CCT3: variants seen among roughly 807,000 people sequenced by gnomAD.
CCT3 encodes T-complex protein 1 subunit gamma.
In CCT3, 10 loss-of-function variants were observed where a neutral mutation model predicts 65.3. The observed-to-expected ratio is 0.15, with a 90% CI of 0.09 to 0.26. The LOEUF (loss-of-function observed/expected upper bound fraction) is 0.26, where lower values mean the gene tolerates loss of function less well. Ranked by LOEUF, CCT3 falls within the 10% of genes least tolerant of loss-of-function variation. The pLI is 1.00. For synonymous variants in CCT3, 225 were observed against 242.3 expected (o/e 0.93, Z 0.66); for missense variants, 626 against 708.7 (o/e 0.88, Z 1.33).
Position 156,317,173 on chromosome 1 carries a change from T to G in CCT3, c.967A>C (p.Ile323Leu), listed in dbSNP as rs765931986. 6.2e-7 allele frequency: 1 copy of G among 1,613,982 alleles called. No individual in the cohort carries two copies. Among genetic ancestry groups the G allele is most frequent in the Admixed American group, 1.7e-5 (1 of 60,018 alleles). Residue 323 changes from isoleucine (I) to leucine (L), a missense_variant, in exon 10 of 14, where the codon ATT becomes CTT. Ile to Leu is a conservative substitution (Grantham distance 5, BLOSUM62 2). Transcript: ENST00000295688. ...RRVRKTDNNR[I>L]ARACGARIVS... The stretch of plus-strand genomic sequence containing the variant: ...TTTACCTGGCCTACTCACCTAGCAA[T>G]GCGATTATTGTCTGTCTTCCGGACT...
intron 8 of CCT3, among the ~76,000 whole-genome samples, chr1:156,317,894 A>C (rs537017444): frequency 6.6e-6 from 1 of 151,758 alleles, no homozygotes; most frequent in African/African-American, 2.4e-5. Context: ...TTGTATTTTT[A>C]GTAGAGACGG....
chr1:156,333,607 C>T lies in CCT3; in HGVS notation c.244G>A (p.Glu82Lys). ...TCTTCATCCTGGGTCCGGCTAATTTCGATCATGGACTTGGCCGCTGGATGC... is the reference window on the plus strand; with the variant it reads ...TCTTCATCCTGGGTCCGGCTAATTTTGATCATGGACTTGGCCGCTGGATGC... ...VQHPAAKSMI[E>K]ISRTQDEEVG... is the part of the protein sequence containing the mutation. Residue 82 changes from glutamate to lysine, a missense_variant, in exon 5 of 14, where the codon GAA becomes AAA. Transcript: ENST00000295688. 1.2e-6 allele frequency: 2 copies of T among 1,613,978 alleles called. No individual in the cohort carries two copies. Among genetic ancestry groups the T allele is most frequent in the Non-Finnish European group, 1.7e-6 (2 of 1,179,908 alleles).
intron 11 of CCT3, among the ~76,000 whole-genome samples, 178 bp downstream of exon 11, chr1:156,311,863 A>G (rs1664098121): frequency 6.6e-6 from 1 of 152,286 alleles, no homozygotes; most frequent in South Asian, 2.1e-4. Context: ...TATGCTTACT[A>G]CAATTTTTAA....
intron 12 of CCT3, 83 bp from the exon 13 acceptor site, chr1:156,310,772 G>T: frequency 6.6e-7 from 1 of 1,507,670 alleles, no homozygotes; most frequent in Non-Finnish European, 9.1e-7. Flanking sequence ...CAATGGACCA[G>T]TATGGAAGGG....
chr1:156,325,250 C>T (rs757750753), intron 5 of CCT3, among the ~76,000 whole-genome samples, 161 bp from the exon 6 acceptor site: 16 of 152,160 alleles, frequency 1.1e-4, no homozygotes, highest in Non-Finnish European at 1.8e-4. Context: ...TTGTATAAGA[C>T]GGCAATTTAT....
Position 156,333,653 on chromosome 1 carries a change from T to C in CCT3, c.208-10A>G. ...GATGCTGGACTTGAATCTAAAAAGG[T>C]AGATCACTAGTGAATTCACACTATT... On this transcript the variant is annotated splice_polypyrimidine_tract_variant and intron_variant, in intron 4 of 13. Transcript: ENST00000295688. 7 of 1,607,660 alleles carry C rather than the reference T, an allele frequency of 4.4e-6. No homozygotes were observed. Among genetic ancestry groups the C allele is most frequent in the African/African-American group, 1.3e-5 (1 of 74,910 alleles).
rs941325211 is a variant in CCT3, at chr1:156,310,845, G to A, written c.1401+105C>T. 7.4e-6 allele frequency: 11 copies of A among 1,485,182 alleles called. No homozygotes were observed. The African/African-American group carries it at 1.5e-4, about 21-fold the overall frequency. The allele number at this position is 1,485,182 out of a possible 1,614,324, so 92.0% of individuals were successfully genotyped here. A position where few individuals can be genotyped will look rare whatever the true frequency, so the allele number is the denominator to read the frequency against. On this transcript the variant is annotated intron_variant, in intron 12 of 13. Coordinates refer to ENST00000295688, the MANE Select transcript of CCT3 (RefSeq NM_005998.5). ...ACTAAAAGGAGAGAAAGATTTCAAGGAATAGACTATAAAGAGAATTTGGAT... is the reference window on the plus strand; with the variant it reads ...ACTAAAAGGAGAGAAAGATTTCAAGAAATAGACTATAAAGAGAATTTGGAT...
chr1:156,313,112 G>A (rs555558445), intron 10 of CCT3, among the ~76,000 whole-genome samples: 1 of 152,252 alleles, frequency 6.6e-6, no homozygotes, highest in African/African-American at 2.4e-5. Context: ...GGAAGGCCGA[G>A]GTGGGTGGAT....
At chr1:156,311,734 G>C (rs1664092098) in intron 11 of CCT3, among the ~76,000 whole-genome samples, 1 of 152,148 alleles carries the variant, frequency 6.6e-6, no homozygotes, top group African/African-American at 2.4e-5. Flanking sequence ...TATCTTGTTT[G>C]ATGGGTACAG....
intron 10 of CCT3, among the ~76,000 whole-genome samples, chr1:156,316,320 T>C (rs964396201): frequency 1.3e-5 from 2 of 152,192 alleles, no homozygotes; most frequent in African/African-American, 4.8e-5. Flanking sequence ...CCACAAACTT[T>C]AGTATTCAAG....
Position 156,335,106 on chromosome 1 carries a change from A to G in CCT3, c.94-188T>C, listed in dbSNP as rs1665279858. On this transcript the variant is annotated intron_variant, in intron 2 of 13. Coordinates refer to ENST00000295688, the MANE Select transcript of CCT3 (RefSeq NM_005998.5). ...GGCTGGTCTCAAACCCCTGGGCCCAAGTGATCCACCTGCCTCAGCCTCCCA... is the reference window on the plus strand; with the variant it reads ...GGCTGGTCTCAAACCCCTGGGCCCAGGTGATCCACCTGCCTCAGCCTCCCA... 4 of 552,272 alleles carry G rather than the reference A, an allele frequency of 7.2e-6. No homozygotes were observed. The South Asian group carries it at 7.5e-5, about 10-fold the overall frequency. 34.2% of individuals were successfully genotyped at this position (552,272 alleles called of 1,614,324 possible). A position where few individuals can be genotyped will look rare whatever the true frequency, so the allele number is the denominator to read the frequency against.
At chr1:156,310,741 G>T in intron 12 of CCT3, 52 bp from the exon 13 acceptor site, 4 of 1,598,488 alleles carry the variant, frequency 2.5e-6, no homozygotes, top group Non-Finnish European at 3.4e-6. Context: ...GGAAACATCA[G>T]GTAAGAAATG....
rs545442048 is a variant in CCT3, at chr1:156,338,255, G to A, written c.-71C>T. 2 of 1,505,002 alleles carry A rather than the reference G, an allele frequency of 1.3e-6. No individual in the cohort carries two copies. Among genetic ancestry groups the A allele is most frequent in the South Asian group, 2.4e-5 (2 of 83,502 alleles). 93.2% of individuals were successfully genotyped at this position (1,505,002 alleles called of 1,614,324 possible). A position where few individuals can be genotyped will look rare whatever the true frequency, so the allele number is the denominator to read the frequency against. On this transcript the variant is annotated 5_prime_UTR_variant, in exon 1 of 14. Transcript: ENST00000295688. The stretch of plus-strand genomic sequence containing the variant: ...AGAACCTTCTGGAGAGAGAGAACCA[G>A]ACAGAAGCCCAGAAAACGCTGCCTC...
At chr1:156,323,096 T>C (rs1664634588) in intron 6 of CCT3, among the ~76,000 whole-genome samples, 1 of 151,398 alleles carries the variant, frequency 6.6e-6, no homozygotes, top group Non-Finnish European at 1.5e-5. Flanking sequence ...CACCTGAGGT[T>C]GAAAGTTTGA....
intron 5 of CCT3, among the ~76,000 whole-genome samples, chr1:156,331,093 G>A (rs531932016): frequency 6.6e-6 from 1 of 151,616 alleles, no homozygotes; most frequent in South Asian, 2.1e-4. Flanking sequence ...TTAGCCGGGC[G>A]CGGTGGTGGG....
At chr1:156,335,958 G>A (rs562449395) in intron 1 of CCT3, 70 bp from the exon 2 acceptor site, 10 of 1,252,860 alleles carry the variant, frequency 8.0e-6, no homozygotes, top group Middle Eastern at 1.9e-4. Flanking sequence ...TTATTTCCCC[G>A]TCTTTGAAAA....
rs762305983 is a variant in CCT3 at position 156,325,023 on chromosome 1, C to T, written c.371G>A (p.Ser124Asn). The T allele has an allele frequency of 1.2e-6, 2 of 1,613,756 alleles. No individual in the cohort carries two copies. The highest frequency in any genetic ancestry group is 2.7e-5 in the African/African-American group (2 of 74,940). ...EQQMHPTVVI[S>N]AYRKALDDMI... is the part of the protein sequence containing the mutation. ...ATCATCCAATGCCTTGCGGTAAGCA[C>T]TGATCACCACTGTTGGGTGCATCTG... The change falls in exon 6 of 14, where the codon AGT (serine) becomes AAT (asparagine). Residue 124 changes from serine to asparagine, a missense_variant. By Grantham distance (46) the Ser-to-Asn change is conservative. Transcript: ENST00000295688.
chr1:156,309,450 C>T, intron 13 of CCT3, 147 bp from the exon 14 acceptor site: 3 of 606,086 alleles, frequency 4.9e-6, no homozygotes, highest in Non-Finnish European at 8.8e-6. Context: ...TTTTGAGACG[C>T]AGTTTCCCTC....
At chr1:156,335,731 C>CTA (rs1382200673) in intron 2 of CCT3, 96 bp downstream of exon 2, 2 of 966,992 alleles carry the variant, frequency 2.1e-6, no homozygotes, top group Admixed American at 4.1e-5. Context: ...TTTGCCTACT[C>CTA]TATAAAGTCT....
Sources: gnomAD v4.1 joint callset for allele counts (sites outside exome capture counted in the v4.1 genomes callset) on GRCh38, gnomAD v4.1.1 for gene constraint, MANE v1.5 for transcripts, NCBI Gene and HGNC (gene_info 2026-07-23, HGNC 2026-07-21) for gene names.